Variants in TRMT6 observed in about 807,000 individuals in gnomAD.
TRMT6 encodes tRNA (adenine(58)-N(1))-methyltransferase non-catalytic subunit TRM6.
In TRMT6, 34 loss-of-function variants were observed where a neutral mutation model predicts 59.0. The observed-to-expected ratio is 0.58, with a 90% CI of 0.44 to 0.77. TRMT6 has a LOEUF of 0.77. Among genes scored for constraint, TRMT6 ranks in the 30% least tolerant of loss-of-function variants. The pLI, the probability that TRMT6 is intolerant of heterozygous loss-of-function variation, is 0.00. For synonymous variants in TRMT6, 217 were observed against 210.5 expected, an observed-to-expected ratio of 1.03 and a Z score of -0.27; for missense variants, 575 against 604.5, an observed-to-expected ratio of 0.95 and a Z score of 0.51.
At chr20:5,939,248 T>A (rs1490025134) in intron 10 of TRMT6, among the ~76,000 whole-genome samples, 1 of 152,162 alleles carries the variant, frequency 6.6e-6, no homozygotes, top group Non-Finnish European at 1.5e-5. Context: ...TTTGGGATGC[T>A]GAGGCAGGTG....
rs781570762 is a variant in TRMT6 at position 5,942,563 on chromosome 20, A to G, written c.891T>C (p.Ala297=). The G allele has an allele frequency of 1.9e-6, 3 of 1,613,892 alleles. No homozygotes were observed. The change falls in exon 7 of 11, where the codon GCT becomes GCC. Residue 297 remains alanine (A), a synonymous_variant. Coordinates refer to ENST00000203001, the MANE Select transcript of TRMT6 (RefSeq NM_015939.5). ...TGCTGTCTTCATTCTCTTGTTCAGA[A>G]GCCTGTTTTTCCTCCAGTGTGCCAT... The part of the protein sequence containing the change: ...ESNGTLEEKQ[A]SEQENEDSMA...
intron 10 of TRMT6, 118 bp downstream of exon 10, chr20:5,940,935 A>T: frequency 1.2e-6 from 1 of 822,032 alleles, no homozygotes; most frequent in Non-Finnish European, 2.1e-6. Context: ...TGCTGGGATT[A>T]CAGGCATAAG....
chr20:5,939,818 G>A (rs1170563799), intron 10 of TRMT6, among the ~76,000 whole-genome samples: 1 of 151,810 alleles, frequency 6.6e-6, no homozygotes, highest in South Asian at 2.1e-4. Context: ...GGTTACCCAA[G>A]GCTCAATAGC....
chr20:5,949,984 G>A (rs1157542240), intron 1 of TRMT6, among the ~76,000 whole-genome samples: 2 of 152,144 alleles, frequency 1.3e-5, no homozygotes, highest in African/African-American at 4.8e-5. Flanking sequence ...TCTGGGGAAG[G>A]AACTCTGTGG....
chr20:5,940,790 A>T lies in TRMT6; in HGVS notation c.1302+263T>A, dbSNP rs150561569. ...CTGCCACCATGCTCGACTGATTTTT[A>T]TATTTTTTGTAGATACAGGGTCATG... is the stretch of plus-strand genomic sequence containing the variant. On this transcript the variant is annotated intron_variant, in intron 10 of 10. Transcript: ENST00000203001. 5.3e-5 allele frequency among the ~76,000 whole-genome samples: 8 copies of T among 151,768 alleles called. No individual in the cohort carries two copies. The East Asian group carries it at 1.6e-3, about 30-fold the overall frequency.
chr20:5,947,411 C>A (rs1272374796), intron 1 of TRMT6, among the ~76,000 whole-genome samples: 1 of 152,218 alleles, frequency 6.6e-6, no homozygotes, highest in Non-Finnish European at 1.5e-5. Flanking sequence ...CACCAGGAAG[C>A]TGATTACGAC....
intron 3 of TRMT6, among the ~76,000 whole-genome samples, chr20:5,944,554 A>G (rs117254866): frequency 0.018 from 2,811 of 152,360 alleles, 34 homozygotes; most frequent in Non-Finnish European, 0.025. Flanking sequence ...GAAAATGAAC[A>G]AAGTTAAATC....
chr20:5,941,868 G>T, intron 8 of TRMT6, 83 bp downstream of exon 8: 1 of 1,226,312 alleles, frequency 8.2e-7, no homozygotes, highest in Non-Finnish European at 1.2e-6. Flanking sequence ...AGTCAAAGCA[G>T]ACAAGGAGAA....
chr20:5,940,079 A>T (rs2088643071), intron 10 of TRMT6, among the ~76,000 whole-genome samples: 1 of 152,166 alleles, frequency 6.6e-6, no homozygotes, highest in South Asian at 2.1e-4. Context: ...GGCTCCTTGA[A>T]TGGCGATCTT....
At position 5,944,198 on chromosome 20, in the gene TRMT6, A is replaced by T; in HGVS notation, c.422T>A (p.Phe141Tyr). 1 of 1,570,004 alleles carries T rather than the reference A, an allele frequency of 6.4e-7. No individual in the cohort carries two copies. Among genetic ancestry groups the T allele is most frequent in the Non-Finnish European group, 8.6e-7 (1 of 1,158,380 alleles). ...CTTTTTAATATATTTATCTTGGGCA[A>T]ATTCTGTCTTGTCTCGGAATGTTGT... is the stretch of plus-strand genomic sequence containing the variant. ...NSTTFRDKTE[F>Y]AQDKYIKKKK... The change falls in exon 4 of 11, where the codon TTT becomes TAT. Residue 141 changes from phenylalanine to tyrosine, a missense_variant. Transcript: ENST00000203001.
At position 5,946,440 on chromosome 20, in the gene TRMT6, T is replaced by C. The variant is rs776837802; in HGVS notation, c.222A>G (p.Leu74=). The change falls in exon 2 of 11, where the codon CTA becomes CTG. Residue 74 remains leucine, a synonymous_variant. Coordinates refer to ENST00000203001, the MANE Select transcript of TRMT6 (RefSeq NM_015939.5). ...TAFEVTSGGS[L]QPKKKREEPT... ...GCTCTTCCCTCTTCTTCTTGGGCTG[T>C]AGACTTCCTCCACTGGTCACTTCAA... is the stretch of plus-strand genomic sequence containing the variant. The C allele has an allele frequency of 1.1e-5, 17 of 1,614,064 alleles. No individual in the cohort carries two copies. In the East Asian group the frequency reaches 3.6e-4, roughly 34 times the overall value.
Position 5,944,847 on chromosome 20 carries a change from T to G in TRMT6, c.324A>C (p.Gln108His), listed in dbSNP as rs768806349. The G allele has an allele frequency of 1.2e-6, 2 of 1,614,108 alleles. No individual in the cohort carries two copies. The highest frequency in any genetic ancestry group is 1.7e-6 in the Non-Finnish European group (2 of 1,179,942). Reference sequence around the variant, plus strand: ...TGTCCTTCAAAGCTTTTATGTCATCTTGAGTAAGTTTCTGAGATTTCCCAT... The same window carrying G: ...TGTCCTTCAAAGCTTTTATGTCATCGTGAGTAAGTTTCTGAGATTTCCCAT... The part of the protein sequence containing the change: ...VDDGKSQKLT[Q>H]DDIKALKDKG... The change falls in exon 3 of 11, where the codon CAA becomes CAC. Residue 108 changes from glutamine to histidine, a missense_variant. Transcript: ENST00000203001.
At chr20:5,944,637 G>A (rs1054856068) in intron 3 of TRMT6, among the ~76,000 whole-genome samples, 168 bp downstream of exon 3, 7 of 152,092 alleles carry the variant, frequency 4.6e-5, no homozygotes, top group East Asian at 1.9e-4. Context: ...CTGTATATAA[G>A]ACATAAAATC....
chr20:5,948,018 G>A lies in TRMT6; in HGVS notation c.129-1485C>T, dbSNP rs151333998. 1.7e-3 allele frequency among the ~76,000 whole-genome samples: 257 copies of A among 152,310 alleles called. 1 individual carries two copies. Among genetic ancestry groups the A allele is most frequent in the Middle Eastern group, 6.8e-3 (2 of 294 alleles). ...AAGTACACAAATTAGTTACTGAGGA[G>A]GCTGAGGTGGAAGATTGCTTGAGCC... is the stretch of plus-strand genomic sequence containing the variant. On this transcript the variant is annotated intron_variant, in intron 1 of 10. Transcript: ENST00000203001.
chr20:5,950,354 G>C lies in TRMT6; in HGVS notation c.52C>G (p.His18Asp), dbSNP rs2088779207. ...PGPQPQHPGD[H>D]RIRDGDFVVL... ...ACGAAGTCGCCGTCGCGGATGCGGT[G>C]GTCTCCGGGATGCTGTGGTTGTGGG... is the stretch of plus-strand genomic sequence containing the variant. Residue 18 changes from histidine to aspartate, a missense_variant, in exon 1 of 11, where the codon CAC becomes GAC. Transcript: ENST00000203001. 2.5e-6 allele frequency: 4 copies of C among 1,611,896 alleles called. No individual in the cohort carries two copies. Among genetic ancestry groups the C allele is most frequent in the Non-Finnish European group, 3.4e-6 (4 of 1,179,922 alleles).
intron 1 of TRMT6, 85 bp from the exon 2 acceptor site, chr20:5,946,618 T>C: frequency 1.5e-6 from 2 of 1,332,172 alleles, no homozygotes; most frequent in East Asian, 2.4e-5. Context: ...ATTTCAAAAG[T>C]GGTCTCCACA....
In TRMT6 at chr20:5,940,967, ACT is replaced by A. The variant is rs113119815; in HGVS notation, c.1302+84_1302+85del. ...TAAGCCACTGTGCCTGGCTGAGATAACTCTATTTAATGACTTCTAGTACTACT... is the reference window on the plus strand; with the variant it reads ...TAAGCCACTGTGCCTGGCTGAGATAACTATTTAATGACTTCTAGTACTACT... On this transcript the variant is annotated intron_variant, in intron 10 of 10. Transcript: ENST00000203001. 3.8e-3 allele frequency: 4,027 copies of A among 1,072,860 alleles called. 61 individuals are homozygous for A. The highest frequency in any genetic ancestry group is 0.031 in the African/African-American group (2,005 of 64,486). 66.5% of individuals were successfully genotyped at this position (1,072,860 alleles called of 1,614,324 possible). A position where few individuals can be genotyped will look rare whatever the true frequency, so the allele number is the denominator to read the frequency against.
chr20:5,948,894 C>T (rs1169400617), intron 1 of TRMT6, among the ~76,000 whole-genome samples: 1 of 152,138 alleles, frequency 6.6e-6, no homozygotes, highest in African/African-American at 2.4e-5. Flanking sequence ...CTTGCTTCAC[C>T]TTAAATACCA....
Position 5,943,670 on chromosome 20 carries a change from C to T in TRMT6, c.556G>A (p.Asp186Asn), listed in dbSNP as rs758719670. 1.2e-6 allele frequency: 2 copies of T among 1,613,950 alleles called. No individual in the cohort carries two copies. The highest frequency in any genetic ancestry group is 1.7e-6 in the Non-Finnish European group (2 of 1,179,984). ...EPGKINHMRY[D>N]TLAQMLTLGN... Reference sequence around the variant, plus strand: ...AACGTCAACATCTGGGCTAGTGTATCGTATCTCATGTGGCTAAAGTAAAAA... The same window carrying T: ...AACGTCAACATCTGGGCTAGTGTATTGTATCTCATGTGGCTAAAGTAAAAA... Residue 186 changes from aspartate (D) to asparagine (N), a missense_variant, in exon 6 of 11, where the codon GAT (aspartate) becomes AAT (asparagine). Physicochemically the swap from Asp to Asn is conservative, Grantham distance 23. Coordinates refer to ENST00000203001, the MANE Select transcript of TRMT6 (RefSeq NM_015939.5).
Sources: allele counts gnomAD v4.1 joint callset (sites outside exome capture counted in the v4.1 genomes callset), GRCh38; gene constraint gnomAD v4.1.1; transcripts MANE v1.5; gene names NCBI Gene and HGNC (gene_info 2026-07-23, HGNC 2026-07-21).